Variants in TRAPPC9 observed in about 807,000 individuals in gnomAD.
The protein encoded by TRAPPC9 is trafficking protein particle complex subunit 9, also known as IKK2 binding protein.
TRAPPC9 carries 83 observed loss-of-function variants against 124.0 expected under a neutral mutation model. The ratio of observed to expected loss-of-function variants is 0.67; its 90% CI spans 0.56 to 0.80. The LOEUF (loss-of-function observed/expected upper bound fraction) is 0.80. Ranked by LOEUF, TRAPPC9 falls within the 30% of genes least tolerant of loss-of-function variation. The probability of loss-of-function intolerance (pLI) is 0.00; values close to 1 mark genes in which losing one functional copy is unlikely to be tolerated. For missense variants in TRAPPC9, 1,302 were observed against 1,508.3 expected (o/e 0.86, Z 2.27); for synonymous variants, 638 against 617.5 (o/e 1.03, Z -0.49).
chr8:139,927,161 C>T (rs990003929), intron 19 of TRAPPC9, among the ~76,000 whole-genome samples: 1 of 152,236 alleles, frequency 6.6e-6, no homozygotes, highest in Non-Finnish European at 1.5e-5. Context: ...CTGACCACAT[C>T]AAGCATTGGC....
intron 21 of TRAPPC9, among the ~76,000 whole-genome samples, chr8:139,789,672 T>A (rs1822518686): frequency 6.6e-6 from 1 of 152,104 alleles, no homozygotes; most frequent in Non-Finnish European, 1.5e-5. Flanking sequence ...TCCTGGCTCT[T>A]TGCTCCCGAG....
intron 17 of TRAPPC9, among the ~76,000 whole-genome samples, chr8:140,045,086 T>C (rs1841501673): frequency 6.6e-6 from 1 of 152,178 alleles, no homozygotes; most frequent in Non-Finnish European, 1.5e-5. Context: ...TTTGACTTCC[T>C]GAGTCCTTGC....
intron 21 of TRAPPC9, among the ~76,000 whole-genome samples, chr8:139,808,793 C>T (rs184068450): frequency 2.6e-5 from 4 of 152,296 alleles, no homozygotes; most frequent in Admixed American, 6.5e-5. Context: ...TATATTAGTA[C>T]TTTGTTCCTT....
chr8:140,446,854 T>C (rs1229379900), intron 2 of TRAPPC9, among the ~76,000 whole-genome samples: 1 of 152,144 alleles, frequency 6.6e-6, no homozygotes, highest in Non-Finnish European at 1.5e-5. Flanking sequence ...TAGAATGGCC[T>C]GTGTCTCCTT....
intron 21 of TRAPPC9, among the ~76,000 whole-genome samples, chr8:139,746,088 A>T (rs886906321): frequency 1.3e-5 from 2 of 152,236 alleles, no homozygotes; most frequent in Non-Finnish European, 2.9e-5. Flanking sequence ...ATCTGCTGCC[A>T]TCCACAGTGC....
chr8:140,449,681 C>A (rs1027982401), intron 2 of TRAPPC9, among the ~76,000 whole-genome samples: 6 of 152,222 alleles, frequency 3.9e-5, no homozygotes, highest in Non-Finnish European at 8.8e-5. Flanking sequence ...GATATCCATG[C>A]TTGGCTGCTT....
chr8:139,905,056 G>A (rs1333946997), intron 20 of TRAPPC9: 1 of 152,252 alleles, frequency 6.6e-6, no homozygotes, highest in Non-Finnish European at 1.5e-5. Context: ...AGGGTAAGAA[G>A]AAGCTTAAAA....
intron 21 of TRAPPC9, among the ~76,000 whole-genome samples, chr8:139,764,750 A>G (rs556819079): frequency 6.6e-6 from 1 of 152,286 alleles, no homozygotes; most frequent in South Asian, 2.1e-4. Flanking sequence ...GATCTGGATC[A>G]GTGAGGCGAC....
At chr8:139,784,212 G>A (rs1212010038) in intron 21 of TRAPPC9, among the ~76,000 whole-genome samples, 2 of 152,210 alleles carry the variant, frequency 1.3e-5, no homozygotes, top group African/African-American at 4.8e-5. Flanking sequence ...TGACTTTGTA[G>A]GAAATCCAGT....
chr8:140,341,697 T>C (rs1238089087), intron 9 of TRAPPC9, among the ~76,000 whole-genome samples: 1 of 151,560 alleles, frequency 6.6e-6, no homozygotes, highest in Admixed American at 6.6e-5. Flanking sequence ...AAAAAAAACT[T>C]TGGGAAGAAA....
chr8:139,842,225 T>C (rs2130891823), intron 21 of TRAPPC9, among the ~76,000 whole-genome samples: 1 of 152,334 alleles, frequency 6.6e-6, no homozygotes. Context: ...TTAATTTCAC[T>C]GCCTCTTGAA....
intron 16 of TRAPPC9, among the ~76,000 whole-genome samples, chr8:140,239,805 ATAT>A (rs1232473699): frequency 1.3e-5 from 2 of 152,206 alleles, no homozygotes; most frequent in Admixed American, 6.5e-5. Flanking sequence ...AGAAAAAGAA[ATAT>A]TATGGCATTA....
chr8:139,764,311 C>T (rs557955782), intron 21 of TRAPPC9, among the ~76,000 whole-genome samples: 3 of 152,192 alleles, frequency 2.0e-5, no homozygotes, highest in South Asian at 4.2e-4. Context: ...TGCAGGAGGA[C>T]GTGGATCACA....
intron 17 of TRAPPC9, among the ~76,000 whole-genome samples, chr8:140,025,254 C>T (rs190479352): frequency 1.2e-3 from 189 of 152,342 alleles, no homozygotes; most frequent in African/African-American, 4.3e-3. Flanking sequence ...CCCCAGGACC[C>T]TCCGGAAGCA....
At chr8:139,956,479 A>G (rs2131536122) in intron 19 of TRAPPC9, among the ~76,000 whole-genome samples, 1 of 152,216 alleles carries the variant, frequency 6.6e-6, no homozygotes, top group Middle Eastern at 3.4e-3. Flanking sequence ...GTTGTTTCTG[A>G]GGCATGTGTC....
chr8:140,011,470 G>A (rs113058715), intron 18 of TRAPPC9, among the ~76,000 whole-genome samples: 3,879 of 149,176 alleles, frequency 0.026, 154 homozygotes, highest in African/African-American at 0.087. Context: ...ACAGATACTC[G>A]TCTCTACTTA....
At chr8:139,859,838 T>C (rs1441049598) in intron 21 of TRAPPC9, among the ~76,000 whole-genome samples, 1 of 152,194 alleles carries the variant, frequency 6.6e-6, no homozygotes, top group Non-Finnish European at 1.5e-5. Flanking sequence ...GGAACCACGA[T>C]AGGAGAGGGA....
intron 21 of TRAPPC9, among the ~76,000 whole-genome samples, chr8:139,767,158 C>T (rs542939271): frequency 5.3e-5 from 8 of 152,280 alleles, no homozygotes; most frequent in South Asian, 2.1e-4. Context: ...GGAGACCTGG[C>T]GAGGCAGGAA....
intron 17 of TRAPPC9, among the ~76,000 whole-genome samples, chr8:140,203,087 C>T (rs1297559467): frequency 6.6e-6 from 1 of 152,116 alleles, no homozygotes; most frequent in Non-Finnish European, 1.5e-5. Flanking sequence ...TTTGGACTAC[C>T]TTGTTATAAT....
Sources: gnomAD v4.1 joint callset for allele counts (sites outside exome capture counted in the v4.1 genomes callset) on GRCh38, gnomAD v4.1.1 for gene constraint, MANE v1.5 for transcripts, NCBI Gene and HGNC (gene_info 2026-07-23, HGNC 2026-07-21) for gene names.